Variants in EGFR observed in about 807,000 individuals in gnomAD.
The protein encoded by EGFR is epidermal growth factor receptor.
A neutral mutation model predicts 143.0 loss-of-function variants in EGFR; 58 were observed. That is an observed-to-expected ratio of 0.41 (90% confidence interval 0.33 to 0.50). EGFR has a LOEUF of 0.50. EGFR is among the 20% of genes least tolerant of loss of function. EGFR has a pLI of 0.39. For synonymous variants in EGFR, 613 were observed against 594.4 expected (o/e 1.03, Z -0.45); for missense variants, 1,307 against 1,579.0 (o/e 0.83, Z 2.92).
chr7:55,168,720 T>C (rs1786194260), intron 15 of EGFR: 1 of 777,402 alleles, frequency 1.3e-6, no homozygotes, highest in Non-Finnish European at 1.9e-6. Flanking sequence ...TATAGTTTGA[T>C]ATAATCTTGT....
intron 27 of EGFR, among the ~76,000 whole-genome samples, chr7:55,203,661 A>AC (rs1206895695): frequency 6.9e-6 from 1 of 144,196 alleles, no homozygotes; most frequent in African/African-American, 2.6e-5. Flanking sequence ...CACACACCAC[A>AC]CACACACATA....
intron 1 of EGFR, among the ~76,000 whole-genome samples, chr7:55,089,439 A>G (rs770302176): frequency 6.6e-6 from 1 of 152,210 alleles, no homozygotes; most frequent in Admixed American, 6.5e-5. Flanking sequence ...GTTTTAATAT[A>G]TATCCAGAAC....
At chr7:55,195,201 T>C (rs1787566033) in intron 22 of EGFR, among the ~76,000 whole-genome samples, 1 of 152,260 alleles carries the variant, frequency 6.6e-6, no homozygotes, top group African/African-American at 2.4e-5. Context: ...ATATAGACTA[T>C]GAGTTGGGGG....
chr7:55,020,264 C>G (rs992927048), intron 1 of EGFR, among the ~76,000 whole-genome samples: 4 of 152,240 alleles, frequency 2.6e-5, no homozygotes, highest in African/African-American at 9.6e-5. Flanking sequence ...CCGAAAGCCC[C>G]AGGCTCTCCT....
chr7:55,170,690 A>G lies in EGFR; in HGVS notation c.1881-485A>G. On this transcript the variant is annotated intron_variant, in intron 15 of 27. Coordinates refer to ENST00000275493, the MANE Select transcript of EGFR (RefSeq NM_005228.5). ...CTCTCACCCCAACTAGTAGCTAACCATCACCCCCAGGACTGACCTCTTCCT... is the reference window on the plus strand; with the variant it reads ...CTCTCACCCCAACTAGTAGCTAACCGTCACCCCCAGGACTGACCTCTTCCT... 3.8e-6 allele frequency: 6 copies of G among 1,576,554 alleles called. No homozygotes were observed. In the South Asian group the frequency reaches 5.8e-5, roughly 15 times the overall value.
chr7:55,053,563 T>A (rs537876968), intron 1 of EGFR, among the ~76,000 whole-genome samples: 1 of 152,240 alleles, frequency 6.6e-6, no homozygotes, highest in South Asian at 2.1e-4. Context: ...CTCCAAGAAA[T>A]TGCGGAGCAA....
In EGFR at chr7:55,160,172, C is replaced by T. The variant is rs2128941363; in HGVS notation, c.1332C>T (p.Asn444=). ...TTTCTCTTGCAGTCGTCAGCCTGAA[C>T]ATAACATCCTTGGGATTACGCTCCC... ...GQFSLAVVSL[N]ITSLGLRSLK... The change falls in exon 12 of 28, where the codon AAC becomes AAT. Residue 444 remains asparagine (N), a synonymous_variant. Coordinates refer to ENST00000275493, the MANE Select transcript of EGFR (RefSeq NM_005228.5). 6.2e-7 allele frequency: 1 copy of T among 1,614,172 alleles called. No homozygotes were observed. Among genetic ancestry groups the T allele is most frequent in the Non-Finnish European group, 8.5e-7 (1 of 1,180,028 alleles).
intron 1 of EGFR, among the ~76,000 whole-genome samples, chr7:55,034,904 C>G (rs191626836): frequency 6.6e-6 from 1 of 152,274 alleles, no homozygotes; most frequent in East Asian, 1.9e-4. Context: ...TTGCTTTAAA[C>G]AGTGAGAGGA....
At chr7:55,074,561 A>T (rs954733844) in intron 1 of EGFR, among the ~76,000 whole-genome samples, 16 of 152,350 alleles carry the variant, frequency 1.1e-4, no homozygotes, top group African/African-American at 2.9e-4. Context: ...ATGAATTTTT[A>T]AAAAATACCT....
rs1788222594 is a variant in EGFR at position 55,210,931 on chromosome 7, G to A, written c.*5314G>A. The A allele has an allele frequency of 6.6e-6, 1 of 152,186 alleles. No individual in the cohort carries two copies. The highest frequency in any genetic ancestry group is 1.5e-5 in the Non-Finnish European group (1 of 68,042). The allele number at this position is 152,186 out of a possible 1,614,324, so 9.4% of individuals were successfully genotyped here. On this transcript the variant is annotated 3_prime_UTR_variant, in exon 28 of 28. Coordinates refer to ENST00000275493, the MANE Select transcript of EGFR (RefSeq NM_005228.5). ...ACATTACAAAAGGCAGATTTCAAGA[G>A]GATTGAGTAAGTAGTTGGATGGCTT... is the stretch of plus-strand genomic sequence containing the variant.
chr7:55,185,241 A>G (rs1787080244), intron 20 of EGFR, among the ~76,000 whole-genome samples: 1 of 152,220 alleles, frequency 6.6e-6, no homozygotes. Context: ...TACAAGGAAA[A>G]TGGATTTTGT....
chr7:55,159,949 C>A lies in EGFR; in HGVS notation c.1299-190C>A, dbSNP rs17289998. 5.5e-4 allele frequency among the ~76,000 whole-genome samples: 84 copies of A among 152,334 alleles called. No homozygotes were observed. In the East Asian group the frequency reaches 0.013, roughly 23 times the overall value. ...AGATACTAAATAAACAAGGAACTAT[C>A]TTTTGCCTGGAGGAACTTTAAAAAC... On this transcript the variant is annotated intron_variant, in intron 11 of 27. Coordinates refer to ENST00000275493, the MANE Select transcript of EGFR (RefSeq NM_005228.5).
rs1176348602 is a variant in EGFR, at chr7:55,192,945, G to A, written c.2701+104G>A. ...CTCTGACATGCAAGTATTTTCTTTCGAGATAATGACTAATGATAATGTAAT... is the reference window on the plus strand; with the variant it reads ...CTCTGACATGCAAGTATTTTCTTTCAAGATAATGACTAATGATAATGTAAT... On this transcript the variant is annotated intron_variant, in intron 22 of 27. Coordinates refer to ENST00000275493, the MANE Select transcript of EGFR (RefSeq NM_005228.5). The A allele has an allele frequency of 3.5e-5, 36 of 1,023,880 alleles. No homozygotes were observed. The South Asian group carries it at 3.5e-4, about 10-fold the overall frequency. The allele number at this position is 1,023,880 out of a possible 1,614,324, so 63.4% of individuals were successfully genotyped here.
intron 1 of EGFR, among the ~76,000 whole-genome samples, chr7:55,120,703 A>G (rs1793149993): frequency 6.6e-6 from 1 of 152,162 alleles, no homozygotes; most frequent in Non-Finnish European, 1.5e-5. Context: ...TGGTGAACAG[A>G]TTAGCTCTCC....
chr7:55,207,367 A>C lies in EGFR; in HGVS notation c.*1750A>C, dbSNP rs570334434. On this transcript the variant is annotated 3_prime_UTR_variant, in exon 28 of 28. Transcript: ENST00000275493. ...TGCTCTCAAATACCCCTAAGCATCT[A>C]TACTAGCCTGGTATGGGTATGAAAG... 1 of 224,776 alleles carries C rather than the reference A, an allele frequency of 4.4e-6. No homozygotes were observed. The highest frequency in any genetic ancestry group is 1.8e-4 in the South Asian group (1 of 5,460). The allele number at this position is 224,776 out of a possible 1,614,324, so 13.9% of individuals were successfully genotyped here. A position where few individuals can be genotyped will look rare whatever the true frequency, so the allele number is the denominator to read the frequency against.
Position 55,160,355 on chromosome 7 carries a change from T to G in EGFR, c.1498+17T>G. 7 of 1,611,506 alleles carry G rather than the reference T, an allele frequency of 4.3e-6. No individual in the cohort carries two copies. Among genetic ancestry groups the G allele is most frequent in the Non-Finnish European group, 5.9e-6 (7 of 1,179,754 alleles). ...ACAGCTGCAGTAAGTCACCGCTTTC[T>G]GTTTAGTTTATGGAGTTGGTTCTAA... On this transcript the variant is annotated intron_variant, in intron 12 of 27. Coordinates refer to ENST00000275493, the MANE Select transcript of EGFR (RefSeq NM_005228.5).
intron 1 of EGFR, among the ~76,000 whole-genome samples, chr7:55,073,862 A>T (rs753487633): frequency 6.6e-6 from 1 of 152,214 alleles, no homozygotes; most frequent in Non-Finnish European, 1.5e-5. Flanking sequence ...TTCTTCCAAG[A>T]TTTTGCATGT....
At chr7:55,090,050 G>T (rs911193621) in intron 1 of EGFR, among the ~76,000 whole-genome samples, 12 of 151,886 alleles carry the variant, frequency 7.9e-5, no homozygotes, top group African/African-American at 2.7e-4. Context: ...CTCACTGCAA[G>T]CTCTGCCTCC....
intron 20 of EGFR, among the ~76,000 whole-genome samples, chr7:55,186,893 G>T (rs1328356567): frequency 6.6e-6 from 1 of 152,198 alleles, no homozygotes; most frequent in Non-Finnish European, 1.5e-5. Flanking sequence ...AATGGAATGG[G>T]TCTGTCAGCC....
Sources: allele counts gnomAD v4.1 joint callset (sites outside exome capture counted in the v4.1 genomes callset), GRCh38; gene constraint gnomAD v4.1.1; transcripts MANE v1.5; gene names NCBI Gene and HGNC (gene_info 2026-07-23, HGNC 2026-07-21).